Variants in WDR59 observed in about 807,000 individuals in gnomAD.
The protein encoded by WDR59 is GATOR2 complex protein WDR59.
A neutral mutation model predicts 131.2 loss-of-function variants in WDR59; 100 were observed. The observed-to-expected ratio is 0.76, with a 90% CI of 0.65 to 0.90. The LOEUF (loss-of-function observed/expected upper bound fraction) is 0.90, where lower values mean the gene tolerates loss of function less well. WDR59 is among the 40% of genes least tolerant of loss of function. The pLI, the probability that WDR59 is intolerant of heterozygous loss-of-function variation, is 0.00. For synonymous variants in WDR59, 601 were observed against 466.2 expected (o/e 1.29, Z -3.72); for missense variants, 1,203 against 1,262.2 (o/e 0.95, Z 0.71).
intron 1 of WDR59, 109 bp from the exon 2 acceptor site, chr16:74,965,931 G>A (rs544147100): frequency 2.0e-5 from 23 of 1,136,992 alleles, no homozygotes; most frequent in East Asian, 1.2e-4. Flanking sequence ...TCCCCAGCTC[G>A]CAGGTATCAT....
intron 6 of WDR59, among the ~76,000 whole-genome samples, chr16:74,946,233 T>C (rs1323783454): frequency 1.3e-5 from 2 of 152,224 alleles, no homozygotes; most frequent in East Asian, 3.8e-4. Flanking sequence ...CCTAGTTATG[T>C]ATGTACAGAA....
At chr16:74,964,054 G>A (rs2145190292) in intron 2 of WDR59, among the ~76,000 whole-genome samples, 1 of 152,080 alleles carries the variant, frequency 6.6e-6, no homozygotes, top group South Asian at 2.1e-4. Context: ...GAAAGAAAAT[G>A]AAATATAAAG....
chr16:74,927,163 C>G (rs776070685), intron 8 of WDR59, among the ~76,000 whole-genome samples: 20 of 151,408 alleles, frequency 1.3e-4, no homozygotes, highest in Non-Finnish European at 2.4e-4. Flanking sequence ...TTGCCTATTT[C>G]CAAAAAAAAA....
chr16:74,967,343 G>T (rs1218894239), intron 1 of WDR59, among the ~76,000 whole-genome samples: 1 of 152,190 alleles, frequency 6.6e-6, no homozygotes, highest in East Asian at 1.9e-4. Context: ...TTTACAGACA[G>T]TAAGGAGATG....
intron 8 of WDR59, among the ~76,000 whole-genome samples, chr16:74,936,993 A>G (rs746498376): frequency 3.9e-5 from 6 of 152,356 alleles, no homozygotes; most frequent in Middle Eastern, 3.4e-3. Context: ...TGCTAATCAT[A>G]CCACAAAGAT....
At chr16:74,959,513 C>G in intron 2 of WDR59, 1 of 452,802 alleles carries the variant, frequency 2.2e-6, no homozygotes, top group Non-Finnish European at 4.4e-6. Flanking sequence ...CACTGGAACT[C>G]TTAGTGCTGC....
rs746331625 is a variant in WDR59, at chr16:74,965,768, C to T, written c.104+5G>A. ...ATGGCAGACAAACTCGGCAAGCTTA[C>T]TTACCCAGAAAGCACTGCATGCTGC... On this transcript the variant is annotated splice_donor_5th_base_variant and intron_variant, in intron 2 of 25. Transcript: ENST00000262144. 1.2e-6 allele frequency: 2 copies of T among 1,614,140 alleles called. No individual in the cohort carries two copies. Among genetic ancestry groups the T allele is most frequent in the Non-Finnish European group, 1.7e-6 (2 of 1,180,006 alleles).
chr16:74,959,194 T>C (rs2033449719), intron 2 of WDR59, among the ~76,000 whole-genome samples: 1 of 152,082 alleles, frequency 6.6e-6, no homozygotes, highest in Non-Finnish European at 1.5e-5. Context: ...AAGTCATTCC[T>C]CTCTCTATGC....
chr16:74,964,650 T>C (rs1256213260), intron 2 of WDR59, among the ~76,000 whole-genome samples: 1 of 152,168 alleles, frequency 6.6e-6, no homozygotes, highest in African/African-American at 2.4e-5. Flanking sequence ...TTCACTGATT[T>C]GTAAATGGGT....
chr16:74,982,963 G>A (rs751265292), intron 1 of WDR59, among the ~76,000 whole-genome samples: 5 of 152,232 alleles, frequency 3.3e-5, no homozygotes, highest in Non-Finnish European at 1.5e-5. Flanking sequence ...GTGTATACCT[G>A]AAGGGAGCTC....
intron 1 of WDR59, among the ~76,000 whole-genome samples, chr16:74,973,313 GGC>G (rs1309184273): frequency 8.3e-6 from 1 of 120,698 alleles, no homozygotes; most frequent in Non-Finnish European, 2.1e-5. Flanking sequence ...GATTGGGGTT[GGC>G]GGGGGGGCCG....
chr16:74,982,419 G>A (rs2145270848), intron 1 of WDR59, among the ~76,000 whole-genome samples: 1 of 152,240 alleles, frequency 6.6e-6, no homozygotes, highest in Non-Finnish European at 1.5e-5. Context: ...TTCTCTTACT[G>A]TGACAACTGC....
chr16:74,886,429 A>T, intron 23 of WDR59, 33 bp from the exon 24 acceptor site: 1 of 1,607,310 alleles, frequency 6.2e-7, no homozygotes, highest in Non-Finnish European at 8.5e-7. Flanking sequence ...GGAAGATGGC[A>T]ATCAGAGAAG....
intron 13 of WDR59, chr16:74,915,652 G>A: frequency 2.1e-6 from 1 of 482,276 alleles, no homozygotes; most frequent in South Asian, 2.8e-5. Context: ...CTGGCTTCCT[G>A]GTTTCAAGTG....
chr16:74,878,360 A>T (rs776398830), intron 25 of WDR59, among the ~76,000 whole-genome samples: 7 of 152,256 alleles, frequency 4.6e-5, no homozygotes, highest in Non-Finnish European at 1.0e-4. Flanking sequence ...TTAAAATAAA[A>T]ATACAGTACT....
chr16:74,940,766 C>T (rs575358700), intron 7 of WDR59, among the ~76,000 whole-genome samples: 3 of 152,120 alleles, frequency 2.0e-5, no homozygotes, highest in South Asian at 2.1e-4. Context: ...AGTGCAGTGG[C>T]GCGATCTCGG....
chr16:74,876,805 G>A (rs895284743), intron 25 of WDR59, among the ~76,000 whole-genome samples: 7 of 152,240 alleles, frequency 4.6e-5, no homozygotes, highest in South Asian at 2.1e-4. Flanking sequence ...GCAGATGCCC[G>A]TGGGCCTTGC....
Position 74,906,905 on chromosome 16 carries a change from T to TTGG in WDR59, c.1712+2000_1712+2002dup, listed in dbSNP as rs539349752. 3.3e-5 allele frequency among the ~76,000 whole-genome samples: 5 copies of TTGG among 152,314 alleles called. No homozygotes were observed. In the South Asian group the frequency reaches 1.0e-3, roughly 32 times the overall value. On this transcript the variant is annotated intron_variant, in intron 17 of 25. Transcript: ENST00000262144. ...AGTGTTCTATATCTTGATATGAGTG[T>TTGG]TGGTCACCAAGCCATACACTTCATA...
intron 18 of WDR59, 129 bp from the exon 19 acceptor site, chr16:74,893,941 G>A (rs773647399): frequency 1.3e-5 from 14 of 1,037,266 alleles, no homozygotes; most frequent in Non-Finnish European, 2.0e-5. Flanking sequence ...CCACAATTAT[G>A]GGAATCAGCA....
Sources: allele counts gnomAD v4.1 joint callset (sites outside exome capture counted in the v4.1 genomes callset), GRCh38; gene constraint gnomAD v4.1.1; transcripts MANE v1.5; gene names NCBI Gene and HGNC (gene_info 2026-07-23, HGNC 2026-07-21).